Variants in POU2F1 observed in about 807,000 individuals in gnomAD.
POU2F1 encodes POU domain, class 2, transcription factor 1.
POU2F1 carries 16 observed loss-of-function variants against 84.9 expected under a neutral mutation model. The ratio of observed to expected loss-of-function variants is 0.19; its 90% confidence interval spans 0.13 to 0.29. POU2F1 has a LOEUF of 0.29. Among genes scored for constraint, POU2F1 ranks in the 10% least tolerant of loss-of-function variants. The pLI, the probability that POU2F1 is intolerant of heterozygous loss-of-function variation, is 1.00. For missense variants in POU2F1, 738 were observed against 942.6 expected, an observed-to-expected ratio of 0.78 and a Z score of 2.84; for synonymous variants, 368 against 368.3, an observed-to-expected ratio of 1.00 and a Z score of 0.01.
intron 2 of POU2F1, among the ~76,000 whole-genome samples, chr1:167,358,367 A>C (rs1021887027): frequency 6.6e-6 from 1 of 151,120 alleles, no homozygotes; most frequent in African/African-American, 2.4e-5. Context: ...TATTTTTCAC[A>C]CTTTATCAGG....
chr1:167,273,656 T>A (rs1206342345), intron 1 of POU2F1, among the ~76,000 whole-genome samples: 1 of 152,246 alleles, frequency 6.6e-6, no homozygotes. Flanking sequence ...CTCAGGCCAG[T>A]ACCTTTTATG....
chr1:167,384,522 A>G (rs565455118), intron 8 of POU2F1, among the ~76,000 whole-genome samples: 1 of 152,184 alleles, frequency 6.6e-6, no homozygotes, highest in African/African-American at 2.4e-5. Context: ...CTTCTCATCT[A>G]TAAATTAGGT....
intron 6 of POU2F1, 127 bp downstream of exon 6, chr1:167,374,423 G>C: frequency 1.2e-6 from 1 of 824,924 alleles, no homozygotes; most frequent in Non-Finnish European, 1.9e-6. Flanking sequence ...CTAGATCAGT[G>C]AGGTAAGCGG....
chr1:167,369,738 T>G (rs530228547), intron 3 of POU2F1, among the ~76,000 whole-genome samples: 37 of 152,332 alleles, frequency 2.4e-4, no homozygotes, highest in African/African-American at 8.9e-4. Context: ...CATTCAAAAT[T>G]AAAATAAGTA....
chr1:167,389,320 C>G (rs1648213974), intron 8 of POU2F1, among the ~76,000 whole-genome samples: 1 of 151,850 alleles, frequency 6.6e-6, no homozygotes, highest in Non-Finnish European at 1.5e-5. Flanking sequence ...ATTTGAAAAC[C>G]CAGTTATAAT....
intron 1 of POU2F1, among the ~76,000 whole-genome samples, chr1:167,319,884 A>T (rs1418669994): frequency 6.6e-6 from 1 of 152,222 alleles, no homozygotes; most frequent in African/African-American, 2.4e-5. Context: ...CAAGTTGGGC[A>T]TCACTTGGTA....
intron 1 of POU2F1, among the ~76,000 whole-genome samples, chr1:167,232,640 C>T (rs995228087): frequency 6.6e-6 from 1 of 152,016 alleles, no homozygotes; most frequent in Non-Finnish European, 1.5e-5. Context: ...GTCAGGAGTT[C>T]GAGACCAGCC....
At chr1:167,400,509 A>G (rs1389497725) in intron 12 of POU2F1, among the ~76,000 whole-genome samples, 1 of 152,208 alleles carries the variant, frequency 6.6e-6, no homozygotes, top group African/African-American at 2.4e-5. Context: ...AGTGACAATA[A>G]GTTACCAGAT....
intron 1 of POU2F1, among the ~76,000 whole-genome samples, chr1:167,292,912 C>A (rs1654024838): frequency 6.6e-6 from 1 of 152,062 alleles, no homozygotes. Context: ...AACCATACGA[C>A]CGTCTCAATA....
intron 4 of POU2F1, 73 bp downstream of exon 4, chr1:167,370,287 A>G (rs1659927420): frequency 8.0e-7 from 1 of 1,254,040 alleles, no homozygotes; most frequent in Middle Eastern, 2.0e-4. Context: ...GTGAGCATAT[A>G]TTTTATAATA....
intron 8 of POU2F1, among the ~76,000 whole-genome samples, chr1:167,386,340 G>A (rs147945920): frequency 3.7e-4 from 57 of 152,216 alleles, no homozygotes; most frequent in African/African-American, 1.3e-3. Flanking sequence ...GACTACAGGC[G>A]TGCATCACCA....
intron 7 of POU2F1, among the ~76,000 whole-genome samples, chr1:167,378,674 G>A (rs941238746): frequency 1.3e-5 from 2 of 152,156 alleles, no homozygotes; most frequent in Non-Finnish European, 2.9e-5. Flanking sequence ...CCAGAGTGCT[G>A]GGATTACAGG....
At chr1:167,353,692 C>T (rs929327727) in intron 2 of POU2F1, among the ~76,000 whole-genome samples, 2 of 151,980 alleles carry the variant, frequency 1.3e-5, no homozygotes, top group Admixed American at 6.5e-5. Flanking sequence ...GATGTGTACC[C>T]AGAATTTTGT....
At chr1:167,375,443 A>G (rs1052253323) in intron 6 of POU2F1, among the ~76,000 whole-genome samples, 2 of 152,216 alleles carry the variant, frequency 1.3e-5, no homozygotes, top group African/African-American at 4.8e-5. Context: ...ATTATAAAAC[A>G]GTAGGCCAAT....
chr1:167,365,518 G>A lies in POU2F1; in HGVS notation c.179G>A (p.Gly60Glu), dbSNP rs546279091. 1.2e-6 allele frequency: 2 copies of A among 1,603,668 alleles called. No individual in the cohort carries two copies. Among genetic ancestry groups the A allele is most frequent in the East Asian group, 2.3e-5 (1 of 43,962 alleles). ...DFQKQPVPVG[G>E]AISTAQAQAF... is the part of the protein sequence containing the mutation. Reference sequence around the variant, plus strand: ...CAGAAGCAGCCTGTGCCTGTAGGAGGAGCAATCTCAACAGCCCAGGCGCAG... The same window carrying A: ...CAGAAGCAGCCTGTGCCTGTAGGAGAAGCAATCTCAACAGCCCAGGCGCAG... Residue 60 changes from glycine (G) to glutamate (E), a missense_variant, in exon 3 of 16, where the codon GGA (glycine) becomes GAA (glutamate). Coordinates refer to ENST00000367866, the MANE Select transcript of POU2F1 (RefSeq NM_002697.4).
intron 1 of POU2F1, among the ~76,000 whole-genome samples, chr1:167,278,976 T>G (rs765791192): frequency 2.0e-5 from 3 of 152,144 alleles, no homozygotes; most frequent in Non-Finnish European, 4.4e-5. Context: ...TTGTAATTAG[T>G]TAGGTAAATT....
rs149991945 is a variant in POU2F1 at position 167,383,924 on chromosome 1, G to T, written c.786G>T (p.Ser262=). 6 of 1,613,346 alleles carry T rather than the reference G, an allele frequency of 3.7e-6. No homozygotes were observed. In the African/African-American group the frequency reaches 8.0e-5, roughly 22 times the overall value. Residue 262 remains serine (S), a synonymous_variant, in exon 8 of 16, where the codon TCG becomes TCT. Transcript: ENST00000367866. ...AAAGCCAAGCCAACCTCCTACAGTC[G>T]CAGCCAAGCATCACCCTCACCTCCC... is the stretch of plus-strand genomic sequence containing the variant. ...PQQSQANLLQ[S]QPSITLTSQP...
chr1:167,376,714 T>C (rs1400169110), intron 7 of POU2F1: 2 of 152,232 alleles, frequency 1.3e-5, no homozygotes, highest in Non-Finnish European at 2.9e-5. Flanking sequence ...GTATCAAGGC[T>C]TCAACCCAAG....
intron 1 of POU2F1, among the ~76,000 whole-genome samples, chr1:167,227,436 G>A (rs751507905): frequency 1.3e-4 from 20 of 152,004 alleles, no homozygotes; most frequent in Non-Finnish European, 2.1e-4. Flanking sequence ...TGTGTTAAAC[G>A]ACTCATTTGT....
Sources: gnomAD v4.1 joint callset for allele counts (sites outside exome capture counted in the v4.1 genomes callset) on GRCh38, gnomAD v4.1.1 for gene constraint, MANE v1.5 for transcripts, NCBI Gene and HGNC (gene_info 2026-07-23, HGNC 2026-07-21) for gene names.